Variants in GNAS observed in about 807,000 individuals in gnomAD.
GNAS encodes GNAS complex locus.
In GNAS, 8 loss-of-function variants were observed where a neutral mutation model predicts 54.5. The observed-to-expected ratio is 0.15, with a 90% CI of 0.09 to 0.26. The LOEUF is 0.26. GNAS is among the 10% of genes least tolerant of loss of function. The probability of loss-of-function intolerance (pLI) is 1.00; values close to 1 mark genes in which losing one functional copy is unlikely to be tolerated. For missense variants in GNAS, 170 were observed against 529.8 expected (o/e 0.32, Z 6.67); for synonymous variants, 204 against 191.4 (o/e 1.07, Z -0.54).
intron 1 of GNAS, among the ~76,000 whole-genome samples, chr20:58,868,649 A>G (rs966286785): frequency 5.3e-5 from 8 of 152,216 alleles, no homozygotes; most frequent in African/African-American, 1.9e-4. Context: ...TTCACAATCC[A>G]GAAAGGGGAG....
At chr20:58,908,181 G>A (rs934436214) in intron 6 of GNAS, among the ~76,000 whole-genome samples, 3 of 151,970 alleles carry the variant, frequency 2.0e-5, no homozygotes, top group Non-Finnish European at 4.4e-5. Context: ...TTTCTCGTTA[G>A]CCCGCTTTAA....
intron 1 of GNAS, among the ~76,000 whole-genome samples, chr20:58,847,356 T>C (rs1365923151): frequency 6.6e-6 from 1 of 152,102 alleles, no homozygotes; most frequent in East Asian, 1.9e-4. Flanking sequence ...CGCAGACCCC[T>C]CTGCAGATAG....
rs1216550988 is a variant in GNAS, at chr20:58,841,411, TA to T, written c.43+526del. On this transcript the variant is annotated intron_variant, in intron 1 of 12. Transcript: ENST00000306090. This position sits in a 1 kb window ranked among gnomAD's most constrained non-coding sequence, Gnocchi z 5.0. ...TCTGAATGGGAATGGGCGAGAACTC[TA>T]GAGACTGACCACCCGGGAGGGAAGT... 8.0e-6 allele frequency: 8 copies of T among 995,744 alleles called. No individual in the cohort carries two copies. The highest frequency in any genetic ancestry group is 7.0e-5 in the African/African-American group (4 of 57,536). The allele number at this position is 995,744 out of a possible 1,614,324, so 61.7% of individuals were successfully genotyped here.
chr20:58,902,374 T>TA (rs35248909), intron 3 of GNAS, among the ~76,000 whole-genome samples: 43 of 152,324 alleles, frequency 2.8e-4, no homozygotes, highest in Non-Finnish European at 5.0e-4. Context: ...CTGAAAAACA[T>TA]ACAGCATTTG....
chr20:58,870,420 C>G (rs1425383572), intron 1 of GNAS, among the ~76,000 whole-genome samples: 1 of 152,264 alleles, frequency 6.6e-6, no homozygotes, highest in Non-Finnish European at 1.5e-5. Context: ...AGGTGGCTGC[C>G]TCTTTCCAAC....
chr20:58,849,718 C>T (rs1156753141), intron 1 of GNAS, among the ~76,000 whole-genome samples: 1 of 152,226 alleles, frequency 6.6e-6, no homozygotes, highest in Non-Finnish European at 1.5e-5. Flanking sequence ...AAGAGCTGCT[C>T]CAGGAGGATC....
At position 58,841,204 on chromosome 20, in the gene GNAS, C is replaced by CA. The variant is rs1310465747; in HGVS notation, c.43+319dup. The CA allele has an allele frequency of 1.6e-6, 1 of 606,398 alleles. No homozygotes were observed. Among genetic ancestry groups the CA allele is most frequent in the Non-Finnish European group, 2.4e-6 (1 of 421,184 alleles). The allele number at this position is 606,398 out of a possible 1,614,324, so 37.6% of individuals were successfully genotyped here. ...CGAACGCACCCCAGATTTGGAGCTG[C>CA]ACACCCAAACGGCATTGGTAAGTCA... On this transcript the variant is annotated intron_variant, in intron 1 of 12. Coordinates refer to the GNAS transcript ENST00000306090. This position sits in a 1 kb window ranked among gnomAD's most constrained non-coding sequence, Gnocchi z 5.0.
In GNAS at chr20:58,910,528, G is replaced by A. The variant is rs569837743; in HGVS notation, c.1038+127G>A. ...CATGGTTTTAGTTCACGCACATCCA[G>A]TGTGGATTTGAGCTCTTTGCGCCCC... On this transcript the variant is annotated intron_variant, in intron 12 of 12. Transcript: ENST00000371085. This position sits in a 1 kb window ranked among gnomAD's most constrained non-coding sequence, Gnocchi z 5.8. The A allele has an allele frequency of 6.1e-6, 7 of 1,138,964 alleles. No individual in the cohort carries two copies. The Admixed American group carries it at 7.4e-5, about 12-fold the overall frequency. The allele number at this position is 1,138,964 out of a possible 1,614,324, so 70.6% of individuals were successfully genotyped here. A position where few individuals can be genotyped will look rare whatever the true frequency, so the allele number is the denominator to read the frequency against.
rs530438616 is a variant in GNAS at position 58,850,703 on chromosome 20, C to T, written c.43+9817C>T. The T allele has an allele frequency of 6.6e-4, 265 of 398,790 alleles. 1 individual carries two copies. Among genetic ancestry groups the T allele is most frequent in the Non-Finnish European group, 1.0e-3 (233 of 226,284 alleles). 24.7% of individuals were successfully genotyped at this position (398,790 alleles called of 1,614,324 possible). On this transcript the variant is annotated intron_variant, in intron 1 of 12. Transcript: ENST00000306090. ...CACCCCGTTGGCTGGGTTAGCCTGC[C>T]GCCATCAACACACCCAAGGGTTGGC...
chr20:58,905,506 AGCACAT>A (rs2090980257), intron 6 of GNAS, 26 bp downstream of exon 6: 12 of 1,177,896 alleles, frequency 1.0e-5, no homozygotes, highest in Admixed American at 1.7e-5. Flanking sequence ...CCAACCCATC[AGCACAT>A]AAAACAGACA....
In GNAS at chr20:58,854,237, C is replaced by T. The variant is rs532363328; in HGVS notation, c.43+13351C>T. The T allele has an allele frequency of 8.1e-6, 13 of 1,613,286 alleles. No homozygotes were observed. In the Admixed American group the frequency reaches 1.8e-4, roughly 23 times the overall value. On this transcript the variant is annotated intron_variant, in intron 1 of 12. Transcript: ENST00000306090. ...CTGGGGTCGACGACACTCCCGTCAA[C>T]ATGGACAGCCCCCCAATCGCGCTTG...
chr20:58,902,725 CTTTT>C (rs60022134), intron 3 of GNAS, among the ~76,000 whole-genome samples: 7,394 of 68,352 alleles, frequency 0.11, 276 homozygotes, highest in Non-Finnish European at 0.14. Context: ...GCACATACGA[CTTTT>C]TTTTTTTTTT....
At chr20:58,850,698 C>T in intron 1 of GNAS, 2 of 398,960 alleles carry the variant, frequency 5.0e-6, no homozygotes. Context: ...GCTGGGTTAG[C>T]CTGCCGCCAT....
At chr20:58,845,544 C>CA (rs996571046) in intron 1 of GNAS, among the ~76,000 whole-genome samples, 4 of 151,912 alleles carry the variant, frequency 2.6e-5, no homozygotes, top group African/African-American at 7.3e-5. Context: ...ATTTCAAAAA[C>CA]AAAAAAATCT....
At chr20:58,845,936 GTGTGTTTATTTTT>G (rs1482982977) in intron 1 of GNAS, among the ~76,000 whole-genome samples, 1 of 152,202 alleles carries the variant, frequency 6.6e-6, no homozygotes, top group Non-Finnish European at 1.5e-5. Flanking sequence ...GGCATAGCCT[GTGTGTTTATTTTT>G]TGTGTTTATT....
intron 2 of GNAS, among the ~76,000 whole-genome samples, chr20:58,897,261 G>A (rs916131016): frequency 1.8e-4 from 28 of 152,322 alleles, no homozygotes; most frequent in African/African-American, 6.5e-4. Context: ...AGCCCTGCCA[G>A]CGGAGACTGC....
Position 58,905,365 on chromosome 20 carries a change from T to A in GNAS, c.433-18T>A. The A allele has an allele frequency of 1.4e-6, 2 of 1,428,190 alleles. No homozygotes were observed. The highest frequency in any genetic ancestry group is 2.0e-6 in the Non-Finnish European group (2 of 1,010,234). The allele number at this position is 1,428,190 out of a possible 1,614,324, so 88.5% of individuals were successfully genotyped here. Reference sequence around the variant, plus strand: ...CAAGCTCTTGCCTTTCTCTAAACTTTCTTGTGTTCACTTTCAGGAATTCTA... The same window carrying A: ...CAAGCTCTTGCCTTTCTCTAAACTTACTTGTGTTCACTTTCAGGAATTCTA... On this transcript the variant is annotated intron_variant, in intron 5 of 12. Coordinates refer to ENST00000371085, the MANE Select transcript of GNAS (RefSeq NM_000516.7).
chr20:58,905,517 C>T (rs751706239), intron 6 of GNAS, 37 bp downstream of exon 6: 5 of 1,054,268 alleles, frequency 4.7e-6, no homozygotes, highest in Non-Finnish European at 7.5e-6. Context: ...GCACATAAAA[C>T]AGACAAAAAC....
In GNAS at chr20:58,872,348, T is replaced by TAA. The variant is rs11481552; in HGVS notation, c.44-23254_44-23253dup. Among the ~76,000 whole-genome samples, 331 of 150,136 alleles carry TAA rather than the reference T, an allele frequency of 2.2e-3. 1 individual carries two copies. Among genetic ancestry groups the TAA allele is most frequent in the Middle Eastern group, 0.017 (5 of 292 alleles). ...GCACACAGAGAACCTTCTAGTTCTT[T>TAA]AAAAAAAAAAATCATAAATTTTTAA... On this transcript the variant is annotated intron_variant, in intron 1 of 12. Coordinates refer to the GNAS transcript ENST00000306090.
Sources: gnomAD v4.1 joint callset for allele counts (sites outside exome capture counted in the v4.1 genomes callset) on GRCh38, gnomAD v4.1.1 for gene constraint, Gnocchi (gnomAD v3.1) non-coding constraint, MANE v1.5 for transcripts, NCBI Gene and HGNC (gene_info 2026-07-23, HGNC 2026-07-21) for gene names.